The following INPP5F variants were observed in gnomAD, a reference collection of about 807,000 sequenced individuals.
INPP5F encodes phosphatidylinositide 4-phosphatase SAC2.
A neutral mutation model predicts 137.2 loss-of-function variants in INPP5F; 97 were observed. The ratio of observed to expected loss-of-function variants is 0.71; its 90% confidence interval spans 0.60 to 0.84. INPP5F has a LOEUF of 0.84. Ranked by LOEUF, INPP5F falls within the 40% of genes least tolerant of loss-of-function variation. The probability of loss-of-function intolerance (pLI) is 0.00; values close to 1 mark genes in which losing one functional copy is unlikely to be tolerated. For missense variants in INPP5F, 1,271 were observed against 1,371.9 expected (o/e 0.93, Z 1.16); for synonymous variants, 504 against 476.9 (o/e 1.06, Z -0.74).
chr10:119,768,191 G>GC (rs1478318268), intron 2 of INPP5F: 1 of 152,146 alleles, frequency 6.6e-6, no homozygotes, highest in Non-Finnish European at 1.5e-5. Context: ...TATATAGTAT[G>GC]CACCTCTGTC....
intron 2 of INPP5F, among the ~76,000 whole-genome samples, chr10:119,777,946 A>G (rs1295403381): frequency 6.6e-6 from 1 of 152,214 alleles, no homozygotes; most frequent in African/African-American, 2.4e-5. Context: ...ATGAAAGTTG[A>G]TCAGTACTTG....
intron 2 of INPP5F, among the ~76,000 whole-genome samples, chr10:119,773,759 A>T (rs561448222): frequency 6.6e-6 from 1 of 152,144 alleles, no homozygotes; most frequent in South Asian, 2.1e-4. Context: ...GAGTACAGTG[A>T]TGGAATCGTA....
intron 6 of INPP5F, among the ~76,000 whole-genome samples, chr10:119,794,724 G>A (rs1247808741): frequency 6.8e-6 from 1 of 147,114 alleles, no homozygotes; most frequent in Non-Finnish European, 1.5e-5. Context: ...TCCCGGACGG[G>A]GCGGCTGGCC....
At chr10:119,815,713 A>G (rs1023508366) in intron 15 of INPP5F, 2 of 247,738 alleles carry the variant, frequency 8.1e-6, no homozygotes, top group Non-Finnish European at 1.7e-5. Context: ...TGACGTGTTA[A>G]TTGTCAAGAG....
At chr10:119,771,866 ATATATATATATATATATTTTTTTT>A (rs1849354793) in intron 2 of INPP5F, among the ~76,000 whole-genome samples, 1 of 16,600 alleles carries the variant, frequency 6.0e-5, no homozygotes, top group South Asian at 1.7e-3. Flanking sequence ...ATATATATAT[ATATATATATATATATATTTTTTTT>A]TTTTTTTTTT....
At chr10:119,773,243 GA>G (rs1849421659) in intron 2 of INPP5F, among the ~76,000 whole-genome samples, 2 of 151,952 alleles carry the variant, frequency 1.3e-5, no homozygotes, top group African/African-American at 4.8e-5. Flanking sequence ...TTTTTGTAGA[GA>G]CAGGGTCTTG....
intron 2 of INPP5F, among the ~76,000 whole-genome samples, chr10:119,780,101 C>T (rs34881613): frequency 0.062 from 9,441 of 152,134 alleles, 390 homozygotes; most frequent in South Asian, 0.22. Context: ...GATGTCACTA[C>T]GTGATAGGAA....
chr10:119,754,533 TA>T (rs1288493494), intron 2 of INPP5F, among the ~76,000 whole-genome samples: 3 of 151,904 alleles, frequency 2.0e-5, no homozygotes, highest in African/African-American at 7.3e-5. Context: ...AAAGAAAGTA[TA>T]AAAAAGGAAA....
intron 1 of INPP5F, among the ~76,000 whole-genome samples, chr10:119,733,854 G>T (rs1401751626): frequency 6.6e-6 from 1 of 152,212 alleles, no homozygotes; most frequent in African/African-American, 2.4e-5. Flanking sequence ...CTGGCACGGA[G>T]AAAGAGGATG....
intron 1 of INPP5F, among the ~76,000 whole-genome samples, chr10:119,740,187 A>G (rs1030583724): frequency 6.6e-6 from 1 of 152,158 alleles, no homozygotes; most frequent in Non-Finnish European, 1.5e-5. Flanking sequence ...ACCAGTATCC[A>G]TGTCTTTCCC....
intron 1 of INPP5F, among the ~76,000 whole-genome samples, chr10:119,737,476 A>G (rs944864394): frequency 6.6e-6 from 1 of 152,172 alleles, no homozygotes; most frequent in African/African-American, 2.4e-5. Context: ...TAACCAATTG[A>G]GACCATCTCT....
At chr10:119,812,649 A>G (rs908489607) in intron 15 of INPP5F, among the ~76,000 whole-genome samples, 4 of 152,220 alleles carry the variant, frequency 2.6e-5, no homozygotes, top group Non-Finnish European at 5.9e-5. Context: ...TAAAGATAGT[A>G]TTTATGTATT....
chr10:119,795,652 C>T (rs1051168979), intron 6 of INPP5F, among the ~76,000 whole-genome samples: 6 of 151,684 alleles, frequency 4.0e-5, no homozygotes, highest in South Asian at 4.2e-4. Flanking sequence ...CAGGCGGAGA[C>T]GCTCCTCACT....
rs1491105188 is a variant in INPP5F, at chr10:119,826,139, TAC to T, written c.2250-490_2250-489del. The T allele has an allele frequency of 2.8e-5, 11 of 396,276 alleles. No individual in the cohort carries two copies. The Admixed American group carries it at 4.4e-4, about 16-fold the overall frequency. 24.5% of individuals were successfully genotyped at this position (396,276 alleles called of 1,614,324 possible). On this transcript the variant is annotated intron_variant, in intron 19 of 19. Coordinates refer to ENST00000650623, the MANE Select transcript of INPP5F (RefSeq NM_014937.4). ...AGTTAAGGTGCTGCAGATTCCCATTTACAGTCAGAGATGTCTTTGCTGATTGT... is the reference window on the plus strand; with the variant it reads ...AGTTAAGGTGCTGCAGATTCCCATTTAGTCAGAGATGTCTTTGCTGATTGT...
intron 3 of INPP5F, 108 bp downstream of exon 3, chr10:119,781,879 GT>G: frequency 1.1e-6 from 1 of 882,352 alleles, no homozygotes; most frequent in Non-Finnish European, 1.7e-6. Flanking sequence ...GCTGGGTAAT[GT>G]TTTTAAAATA....
Position 119,823,857 on chromosome 10 carries a change from A to C in INPP5F, c.2204A>C (p.Gln735Pro). ...GCAGAGATGCTGCAGATCACCAAGC[A>C]AGCCATGGGATCGGATTTACCCATA... The part of the protein sequence containing the change: ...CIAEMLQITK[Q>P]AMGSDLPIIE... The change falls in exon 19 of 20, where the codon CAA becomes CCA. Residue 735 changes from glutamine (Q) to proline (P), a missense_variant. Physicochemically the swap from Gln to Pro is moderately conservative, Grantham distance 76 (BLOSUM62 -1). Transcript: ENST00000650623. The C allele has an allele frequency of 6.2e-7, 1 of 1,614,142 alleles. No individual in the cohort carries two copies. The highest frequency in any genetic ancestry group is 8.5e-7 in the Non-Finnish European group (1 of 1,180,000).
At chr10:119,805,641 C>G (rs2134242896) in intron 11 of INPP5F, among the ~76,000 whole-genome samples, 180 bp downstream of exon 11, 1 of 152,190 alleles carries the variant, frequency 6.6e-6, no homozygotes, top group East Asian at 1.9e-4. Flanking sequence ...TAGCTTTGAA[C>G]AGGGAGAGGG....
intron 1 of INPP5F, among the ~76,000 whole-genome samples, chr10:119,726,615 G>T (rs991739280): frequency 6.6e-6 from 1 of 152,236 alleles, no homozygotes; most frequent in Non-Finnish European, 1.5e-5. Flanking sequence ...CGCGTCACGC[G>T]GCCGCCCTTG....
rs1849974584 is a variant in INPP5F at position 119,787,742 on chromosome 10, C to G, written c.316-3775C>G. On this transcript the variant is annotated intron_variant, in intron 3 of 19. Transcript: ENST00000650623. The surrounding 1 kb of genome is among the most constrained non-coding windows in gnomAD (Gnocchi z 4.1). Reference sequence around the variant, plus strand: ...AAGTAGATCAGACTGAAGCCAGAGGCCTTTCTGGGTCTGCATCTAGAAGCA... The same window carrying G: ...AAGTAGATCAGACTGAAGCCAGAGGGCTTTCTGGGTCTGCATCTAGAAGCA... Among the ~76,000 whole-genome samples the G allele has an allele frequency of 6.6e-6, 1 of 152,022 alleles. No individual in the cohort carries two copies. The highest frequency in any genetic ancestry group is 2.1e-4 in the South Asian group (1 of 4,828).
Sources: allele counts gnomAD v4.1 joint callset (sites outside exome capture counted in the v4.1 genomes callset), GRCh38; gene constraint gnomAD v4.1.1; non-coding constraint Gnocchi (gnomAD v3.1); transcripts MANE v1.5; gene names NCBI Gene and HGNC (gene_info 2026-07-23, HGNC 2026-07-21).